The following SERPINB6 variants were observed in gnomAD, a reference collection of about 807,000 sequenced individuals.
SERPINB6 encodes serpin family B member 6.
A neutral mutation model predicts 26.1 loss-of-function variants in SERPINB6; 16 were observed. The ratio of observed to expected loss-of-function variants is 0.61; its 90% CI spans 0.42 to 0.93. SERPINB6 has a LOEUF of 0.93. SERPINB6 is among the 40% of genes least tolerant of loss of function. The pLI is 0.00. For missense variants in SERPINB6, 420 were observed against 478.0 expected (o/e 0.88, Z 1.13); for synonymous variants, 174 against 176.6 (o/e 0.99, Z 0.11).
intron 1 of SERPINB6, chr6:2,971,034 C>T: frequency 1.7e-6 from 2 of 1,199,258 alleles, no homozygotes; most frequent in South Asian, 4.3e-5. Context: ...TCCTAACACC[C>T]GGCGCCCCAA....
At chr6:2,962,397 C>T (rs1258090825) in intron 1 of SERPINB6, among the ~76,000 whole-genome samples, 2 of 152,144 alleles carry the variant, frequency 1.3e-5, no homozygotes, top group Non-Finnish European at 2.9e-5. Flanking sequence ...CCAGGATATT[C>T]GGAGGAGATG....
intron 4 of SERPINB6, among the ~76,000 whole-genome samples, chr6:2,953,867 AAAAAATAC>A (rs891994196): frequency 6.6e-6 from 1 of 151,902 alleles, no homozygotes; most frequent in African/African-American, 2.4e-5. Context: ...TGTCTCTACT[AAAAAATAC>A]AAAAATTAGC....
chr6:2,961,763 C>CA (rs35003117), intron 1 of SERPINB6: 234,445 of 849,286 alleles, frequency 0.28, 13,042 homozygotes, highest in South Asian at 0.29. Context: ...CTCCATAAAC[C>CA]AAAAAAAAAA....
At position 2,966,568 on chromosome 6, in the gene SERPINB6, C is replaced by T. The variant is rs564931943; in HGVS notation, c.-11+4965G>A. 7 of 196,704 alleles carry T rather than the reference C, an allele frequency of 3.6e-5. No individual in the cohort carries two copies. In the South Asian group the frequency reaches 1.2e-3, roughly 35 times the overall value. The allele number at this position is 196,704 out of a possible 1,614,324, so 12.2% of individuals were successfully genotyped here. On this transcript the variant is annotated intron_variant, in intron 1 of 6. Coordinates refer to ENST00000380539, the MANE Select transcript of SERPINB6 (RefSeq NM_004568.6). ...GAGAGTGAACCTACGGTGAACTGTG[C>T]ACGTGGTGATCTTGGTTGCATGCTG...
At chr6:2,962,089 C>G in intron 1 of SERPINB6, 2 of 985,368 alleles carry the variant, frequency 2.0e-6, no homozygotes, top group Non-Finnish European at 2.4e-6. Context: ...ACTCCGTCTC[C>G]GGTAATATCC....
Position 2,959,195 on chromosome 6 carries a change from C to T in SERPINB6, c.138G>A (p.Lys46=). Residue 46 remains lysine, a synonymous_variant, in exon 2 of 7, where the codon AAG becomes AAA. Transcript: ENST00000380539. ...CALAMVYMGA[K]GNTAAQMAQI... ...GGGCCATCTGTGCAGCGGTGTTTCC[C>T]TTTGCCCCCATGTAGACCATGGCCA... is the stretch of plus-strand genomic sequence containing the variant. The T allele has an allele frequency of 6.2e-7, 1 of 1,614,210 alleles. No individual in the cohort carries two copies.
chr6:2,953,362 C>A (rs1488841944), intron 4 of SERPINB6, among the ~76,000 whole-genome samples, 176 bp from the exon 5 acceptor site: 1 of 152,092 alleles, frequency 6.6e-6, no homozygotes, highest in Non-Finnish European at 1.5e-5. Context: ...TCTTCTGGTA[C>A]GAAAAACATC....
chr6:2,970,724 CAAAAAAA>C (rs70995402), intron 1 of SERPINB6: 124 of 1,071,502 alleles, frequency 1.2e-4, no homozygotes, highest in East Asian at 7.9e-4. Context: ...ATCTTTAGGA[CAAAAAAA>C]AAAAAAAAAA....
chr6:2,964,725 G>GCAATCA (rs1771455452), intron 1 of SERPINB6, among the ~76,000 whole-genome samples: 1 of 152,192 alleles, frequency 6.6e-6, no homozygotes, highest in Non-Finnish European at 1.5e-5. Context: ...CTCCCCAGAA[G>GCAATCA]CAATCACTTC....
rs149056468 is a variant in SERPINB6, at chr6:2,955,423, T to G, written c.312+101A>C. The G allele has an allele frequency of 3.3e-3, 4,418 of 1,337,608 alleles. 17 individuals are homozygous for G. The highest frequency in any genetic ancestry group is 4.1e-3 in the Non-Finnish European group (3,820 of 929,934). 82.9% of individuals were successfully genotyped at this position (1,337,608 alleles called of 1,614,324 possible). On this transcript the variant is annotated intron_variant, in intron 3 of 6. Coordinates refer to ENST00000380539, the MANE Select transcript of SERPINB6 (RefSeq NM_004568.6). ...AAAAGAAATTACAAAAGCCTATGTA[T>G]GGCATAATGGCATTTAGAGCCACAC...
chr6:2,959,150 G>A lies in SERPINB6; in HGVS notation c.165+18C>T. The A allele has an allele frequency of 6.2e-7, 1 of 1,614,058 alleles. No homozygotes were observed. Among genetic ancestry groups the A allele is most frequent in the Non-Finnish European group, 8.5e-7 (1 of 1,179,976 alleles). On this transcript the variant is annotated intron_variant, in intron 2 of 6. Transcript: ENST00000380539. ...TAACTTGACAGTTAATAGCACCATG[G>A]CTGCCCTGAAGCTGTACCTGGGCCA... is the stretch of plus-strand genomic sequence containing the variant.
chr6:2,970,503 A>G (rs1772040220), intron 1 of SERPINB6: 3 of 1,156,692 alleles, frequency 2.6e-6, no homozygotes, highest in Admixed American at 4.7e-5. Context: ...CCTTAACTAG[A>G]AGGTCACTGA....
intron 3 of SERPINB6, 136 bp downstream of exon 3, chr6:2,955,388 T>C (rs1215152896): frequency 1.0e-6 from 1 of 973,896 alleles, no homozygotes; most frequent in Admixed American, 1.9e-5. Flanking sequence ...TTAAAACATA[T>C]TGGCAGGTGA....
chr6:2,952,712 G>C (rs942695564), intron 5 of SERPINB6, among the ~76,000 whole-genome samples: 1 of 152,244 alleles, frequency 6.6e-6, no homozygotes, highest in South Asian at 2.1e-4. Context: ...GCGCGGTAGC[G>C]GGGCTTCCCG....
intron 1 of SERPINB6, 145 bp downstream of exon 1, chr6:2,971,388 C>G (rs1253533765): frequency 5.8e-6 from 1 of 173,370 alleles, no homozygotes; most frequent in Non-Finnish European, 1.1e-5. Context: ...CTCCAGCGTC[C>G]CCGCGCGCCG....
chr6:2,953,556 C>T (rs938827017), intron 4 of SERPINB6, among the ~76,000 whole-genome samples: 4 of 152,134 alleles, frequency 2.6e-5, no homozygotes, highest in Admixed American at 6.5e-5. Context: ...TTAGGCCAGA[C>T]ACAGTGGCTC....
chr6:2,951,990 C>T (rs1433253904), intron 5 of SERPINB6, among the ~76,000 whole-genome samples: 3 of 152,182 alleles, frequency 2.0e-5, no homozygotes, highest in African/African-American at 7.2e-5. Context: ...ATGGTGGAGC[C>T]GCCTCCCTGG....
intron 5 of SERPINB6, among the ~76,000 whole-genome samples, chr6:2,952,161 G>T (rs937209748): frequency 6.6e-6 from 1 of 152,180 alleles, no homozygotes; most frequent in African/African-American, 2.4e-5. Flanking sequence ...TTTAAAGAGA[G>T]AAATTATTTT....
chr6:2,948,501 G>C lies in SERPINB6; in HGVS notation c.928C>G (p.Leu310Val), dbSNP rs1470729759. 1.2e-6 allele frequency: 2 copies of C among 1,614,134 alleles called. No individual in the cohort carries two copies. Among genetic ancestry groups the C allele is most frequent in the Admixed American group, 1.7e-5 (1 of 60,020 alleles). Residue 310 changes from leucine to valine, a missense_variant, in exon 7 of 7, where the codon CTG (leucine) becomes GTG (valine). By Grantham distance (32) the Leu-to-Val change is conservative (BLOSUM62 1). Transcript: ENST00000380539. The surrounding 1 kb of genome is among the most constrained non-coding windows in gnomAD (Gnocchi z 5.0). Reference protein sequence around the residue: ...ADFSGMSQTDLSLSKVVHKSF... With the variant: ...ADFSGMSQTDVSLSKVVHKSF... ...TTGTGCACGACCTTGGACAGAGACAGGTCTGTCTGGGACATTCCAGAGAAG... is the reference window on the plus strand; with the variant it reads ...TTGTGCACGACCTTGGACAGAGACACGTCTGTCTGGGACATTCCAGAGAAG...
Sources: gnomAD v4.1 joint callset for allele counts (sites outside exome capture counted in the v4.1 genomes callset) on GRCh38, gnomAD v4.1.1 for gene constraint, Gnocchi (gnomAD v3.1) non-coding constraint, MANE v1.5 for transcripts, NCBI Gene and HGNC (gene_info 2026-07-23, HGNC 2026-07-21) for gene names.